REDIC1: variants seen among roughly 807,000 people sequenced by gnomAD.
The protein encoded by REDIC1 is HEI10 Interacting Protein 1.
At chr12:39,748,799 C>A in the REDIC1 span, among the ~76,000 whole-genome samples, 1 of 152,216 alleles carries the variant, frequency 6.6e-6, no homozygotes, top group African/African-American at 2.4e-5. Flanking sequence ...GGAAACTGAA[C>A]ACCCTGCTCC....
At chr12:39,907,945 C>A in the REDIC1 span, 1 of 151,264 alleles carries the variant, frequency 6.6e-6, no homozygotes, top group African/African-American at 2.5e-5. Flanking sequence ...ACAACTACGC[C>A]TCCAAAAGTT....
chr12:39,874,666 G>C, the REDIC1 span, among the ~76,000 whole-genome samples: 1 of 151,696 alleles, frequency 6.6e-6, no homozygotes, highest in Non-Finnish European at 1.5e-5. Flanking sequence ...ATGATGTAAG[G>C]CTATAGCAGA....
the REDIC1 span, among the ~76,000 whole-genome samples, chr12:39,826,194 T>C: frequency 1.3e-5 from 2 of 152,054 alleles, no homozygotes; most frequent in Non-Finnish European, 2.9e-5. Flanking sequence ...CATTCTCTAC[T>C]TTAGGTTCTG....
At chr12:39,879,342 T>C in the REDIC1 span, among the ~76,000 whole-genome samples, 1 of 152,258 alleles carries the variant, frequency 6.6e-6, no homozygotes, top group African/African-American at 2.4e-5. Flanking sequence ...CCCAGAATGG[T>C]AGATCTACTG....
At chr12:39,874,276 G>T in the REDIC1 span, among the ~76,000 whole-genome samples, 1 of 152,016 alleles carries the variant, frequency 6.6e-6, no homozygotes. Context: ...TGGTATGCTG[G>T]GTTCACAGAC....
the REDIC1 span, among the ~76,000 whole-genome samples, chr12:39,776,591 A>G: frequency 6.6e-6 from 1 of 152,256 alleles, no homozygotes; most frequent in Admixed American, 6.5e-5. Context: ...ATACTGCAAT[A>G]GAAGCCATGA....
the REDIC1 span, among the ~76,000 whole-genome samples, chr12:39,897,822 TATA>T: frequency 6.6e-6 from 1 of 152,176 alleles, no homozygotes; most frequent in Non-Finnish European, 1.5e-5. Context: ...GACTTTTTTC[TATA>T]ATATTTTCAT....
At chr12:39,850,995 G>A in the REDIC1 span, among the ~76,000 whole-genome samples, 1 of 151,992 alleles carries the variant, frequency 6.6e-6, no homozygotes, top group African/African-American at 2.4e-5. Flanking sequence ...TACCTCCTGG[G>A]TTCAAGCAAT....
the REDIC1 span, among the ~76,000 whole-genome samples, chr12:39,738,916 T>A: frequency 6.6e-6 from 1 of 152,172 alleles, no homozygotes; most frequent in Non-Finnish European, 1.5e-5. Context: ...CAACCAGATG[T>A]ACTGTGTATT....
chr12:39,658,329 C>T, the REDIC1 span, among the ~76,000 whole-genome samples: 6 of 152,192 alleles, frequency 3.9e-5, no homozygotes, highest in East Asian at 3.8e-4. Context: ...AAGTGATCCA[C>T]CTGCCTCAGC....
At chr12:39,758,134 C>T in the REDIC1 span, 1 of 151,474 alleles carries the variant, frequency 6.6e-6, no homozygotes, top group African/African-American at 2.4e-5. Flanking sequence ...CCTTGGAAAT[C>T]AATTGTTAAA....
chr12:39,729,167 G>C, the REDIC1 span, among the ~76,000 whole-genome samples: 1 of 151,970 alleles, frequency 6.6e-6, no homozygotes, highest in Non-Finnish European at 1.5e-5. Context: ...CTTTAGTTCT[G>C]CTCTGATCTT....
At chr12:39,841,409 G>A in the REDIC1 span, among the ~76,000 whole-genome samples, 2 of 152,248 alleles carry the variant, frequency 1.3e-5, no homozygotes, top group East Asian at 3.9e-4. Context: ...GGAGAAGGAA[G>A]AAAAAGAGAG....
At chr12:39,824,318 T>C in the REDIC1 span, among the ~76,000 whole-genome samples, 1 of 152,234 alleles carries the variant, frequency 6.6e-6, no homozygotes, top group Non-Finnish European at 1.5e-5. Context: ...TACCGACTGA[T>C]ATTGAACATC....
the REDIC1 span, among the ~76,000 whole-genome samples, chr12:39,878,921 T>C: frequency 6.6e-6 from 1 of 152,134 alleles, no homozygotes; most frequent in Non-Finnish European, 1.5e-5. Context: ...CCTAGGAGTA[T>C]AGAATGGTTT....
At chr12:39,688,907 T>C in the REDIC1 span, among the ~76,000 whole-genome samples, 1 of 152,200 alleles carries the variant, frequency 6.6e-6, no homozygotes, top group Non-Finnish European at 1.5e-5. Flanking sequence ...CTGAACAAGA[T>C]TGAAACCATA....
At chr12:39,846,782 TG>T in the REDIC1 span, among the ~76,000 whole-genome samples, 2 of 152,114 alleles carry the variant, frequency 1.3e-5, no homozygotes, top group Admixed American at 1.3e-4. Context: ...TCAGTGTCAC[TG>T]GTAAAATGGG....
the REDIC1 span, among the ~76,000 whole-genome samples, chr12:39,731,833 T>TTC: frequency 6.6e-6 from 1 of 150,912 alleles, no homozygotes; most frequent in African/African-American, 2.4e-5. Context: ...CTGCCTTTCT[T>TTC]TTTTTTTTTT....
At chr12:39,896,369 T>C in the REDIC1 span, among the ~76,000 whole-genome samples, 28 of 140,960 alleles carry the variant, frequency 2.0e-4, no homozygotes, top group Non-Finnish European at 3.4e-4. Context: ...TGTATATATG[T>C]ATACATATAT....
Sources: gnomAD v4.1 joint callset for allele counts (sites outside exome capture counted in the v4.1 genomes callset) on GRCh38, gnomAD v4.1.1 for gene constraint, MANE v1.5 for transcripts, NCBI Gene and HGNC (gene_info 2026-07-23, HGNC 2026-07-21) for gene names.